ELMO3: variants seen among roughly 807,000 people sequenced by gnomAD.
The protein encoded by ELMO3 is engulfment and cell motility protein 3.
In ELMO3, 81 loss-of-function variants were observed where a neutral mutation model predicts 89.0. That is an observed-to-expected ratio of 0.91 (90% CI 0.76 to 1.09). ELMO3 has a LOEUF of 1.09. ELMO3 is among the 50% of genes least tolerant of loss of function. ELMO3 has a pLI of 0.00. For synonymous variants in ELMO3, 406 were observed against 400.6 expected (o/e 1.01, Z -0.16); for missense variants, 959 against 972.8 (o/e 0.99, Z 0.19).
chr16:67,199,476 G>GGGCCCCCCCCCCCC, intron 1 of ELMO3, 72 bp downstream of exon 1: 11 of 1,503,544 alleles, frequency 7.3e-6, no homozygotes, highest in African/African-American at 1.4e-5. Flanking sequence ...CCTCGGGGCA[G>GGGCCCCCCCCCCCC]CCCGCCCCAC....
chr16:67,203,110 T>G lies in ELMO3; in HGVS notation c.1676-9T>G. ...CAGCACTCTGGCCCTCTTCCCTTTC[T>G]CCACGCAGATAAGCTGTGGTTCTGC... On this transcript the variant is annotated splice_polypyrimidine_tract_variant and intron_variant, in intron 16 of 19. Coordinates refer to ENST00000393997, the MANE Select transcript of ELMO3 (RefSeq NM_024712.5). This position sits in a 1 kb window ranked among gnomAD's most constrained non-coding sequence, Gnocchi z 4.6. The G allele has an allele frequency of 1.9e-6, 3 of 1,604,184 alleles. No individual in the cohort carries two copies. The highest frequency in any genetic ancestry group is 2.6e-6 in the Non-Finnish European group (3 of 1,176,016).
At position 67,199,857 on chromosome 16, in the gene ELMO3, T is replaced by A; in HGVS notation, c.193-94T>A. 3.7e-6 allele frequency: 6 copies of A among 1,606,054 alleles called. No homozygotes were observed. The South Asian group carries it at 4.4e-5, about 12-fold the overall frequency. ...TTCATCCCACTACCGGAGCGCGATC[T>A]GTTATTCACCCCCAGCCGCCCTCAC... On this transcript the variant is annotated intron_variant, in intron 3 of 19. Transcript: ENST00000393997.
chr16:67,199,477 C>T (rs1352985172), intron 1 of ELMO3, 73 bp downstream of exon 1: 2 of 757,410 alleles, frequency 2.6e-6, no homozygotes, highest in Admixed American at 4.0e-5. Context: ...CTCGGGGCAG[C>T]CCGCCCCACC....
In ELMO3 at chr16:67,199,351, A is replaced by G. The variant is rs762792916; in HGVS notation, c.25A>G (p.Lys9Glu). 3.7e-6 allele frequency: 6 copies of G among 1,610,788 alleles called. No individual in the cohort carries two copies. Among genetic ancestry groups the G allele is most frequent in the Non-Finnish European group, 5.1e-6 (6 of 1,179,218 alleles). MAPPRNVVKIAIKMRDAIP... is the reference protein window; with the variant it reads MAPPRNVVEIAIKMRDAIP... ...CATGGCGCCTCCGCGGAACGTGGTG[A>G]AGATTGCCATCAAGATGCGTGACGC... The change falls in exon 1 of 20, where the codon AAG (lysine) becomes GAG (glutamate). Residue 9 changes from lysine to glutamate, a missense_variant. Lys to Glu is a moderately conservative substitution (Grantham distance 56). Coordinates refer to ENST00000393997, the MANE Select transcript of ELMO3 (RefSeq NM_024712.5).
intron 3 of ELMO3, 63 bp downstream of exon 3, chr16:67,199,819 A>G (rs1036488777): frequency 5.2e-5 from 84 of 1,602,394 alleles, no homozygotes; most frequent in Admixed American, 8.5e-5. Flanking sequence ...CCTGGCCCCG[A>G]TAACTCTGGC....
At chr16:67,202,847 G>T (rs1265022672) in intron 15 of ELMO3, 45 bp from the exon 16 acceptor site, 1 of 1,612,358 alleles carries the variant, frequency 6.2e-7, no homozygotes, top group East Asian at 2.2e-5. Flanking sequence ...GTGCCCCCTG[G>T]GCTACTCCCC....
At chr16:67,202,313 G>A in intron 13 of ELMO3, 29 bp downstream of exon 13, 1 of 1,613,300 alleles carries the variant, frequency 6.2e-7, no homozygotes, top group South Asian at 1.1e-5. Flanking sequence ...GCACAGCATG[G>A]CCAAGAGCAG....
At position 67,200,779 on chromosome 16, in the gene ELMO3, C is replaced by A; in HGVS notation, c.636C>A (p.Pro212=). ...GCCAGCTGGTCAAGAGCGAGGTGCC[C>A]CTGGATAGGCTGCTGGTGCACCTAC... is the stretch of plus-strand genomic sequence containing the variant. ...ALGQLVKSEV[P]LDRLLVHLQV... Residue 212 remains proline (P), a synonymous_variant, in exon 7 of 20, where the codon CCC becomes CCA. Coordinates refer to ENST00000393997, the MANE Select transcript of ELMO3 (RefSeq NM_024712.5). 1 of 1,613,352 alleles carries A rather than the reference C, an allele frequency of 6.2e-7. No homozygotes were observed. Among genetic ancestry groups the A allele is most frequent in the Non-Finnish European group, 8.5e-7 (1 of 1,179,838 alleles).
In ELMO3 at chr16:67,201,480, C is replaced by T. The variant is rs201654935; in HGVS notation, c.796-40C>T. ...GGGGACCTCTCTGCCCCTCCCTCCC[C>T]GTGAGCCCTCGCTTACACCAGGGAC... On this transcript the variant is annotated intron_variant, in intron 9 of 19. Transcript: ENST00000393997. The T allele has an allele frequency of 3.2e-5, 51 of 1,613,998 alleles. No individual in the cohort carries two copies. In the Admixed American group the frequency reaches 4.3e-4, roughly 14 times the overall value.
intron 15 of ELMO3, 35 bp from the exon 16 acceptor site, chr16:67,202,857 C>T: frequency 1.2e-6 from 2 of 1,612,802 alleles, no homozygotes; most frequent in Non-Finnish European, 1.7e-6. Context: ...GGCTACTCCC[C>T]AGGTCAGATG....
chr16:67,201,109 G>C, intron 8 of ELMO3, 141 bp downstream of exon 8: 2 of 1,010,166 alleles, frequency 2.0e-6, no homozygotes, highest in Non-Finnish European at 2.8e-6. Flanking sequence ...GCAGTGGTGC[G>C]ATCTTGGCTC....
In ELMO3 at chr16:67,203,215, C is replaced by T; in HGVS notation, c.1772C>T (p.Pro591Leu). Reference protein sequence around the residue: ...GASPPTLESLPEQLPVADMRA... With the variant: ...GASPPTLESLLEQLPVADMRA... The stretch of plus-strand genomic sequence containing the variant: ...AGCCCGCCTACCCTGGAGAGTCTGC[C>T]CGAGCAACGTAAGGCGGGCAGGGGC... Residue 591 changes from proline (P) to leucine (L), a missense_variant, in exon 17 of 20, where the codon CCC (proline) becomes CTC (leucine). Physicochemically the swap from Pro to Leu is moderately conservative, Grantham distance 98. Transcript: ENST00000393997. This position sits in a 1 kb window ranked among gnomAD's most constrained non-coding sequence, Gnocchi z 4.6. 1.2e-6 allele frequency: 2 copies of T among 1,608,650 alleles called. No homozygotes were observed. Among genetic ancestry groups the T allele is most frequent in the South Asian group, 2.2e-5 (2 of 90,800 alleles).
Position 67,203,440 on chromosome 16 carries a change from A to G in ELMO3, c.1863+31A>G, listed in dbSNP as rs13336793. ...TACAGCGGGCCAGGGGCTCCTTCCC[A>G]CCCGCCCCCGCCTACCCTGTCCCCT... On this transcript the variant is annotated intron_variant, in intron 18 of 19. Coordinates refer to ENST00000393997, the MANE Select transcript of ELMO3 (RefSeq NM_024712.5). This position sits in a 1 kb window ranked among gnomAD's most constrained non-coding sequence, Gnocchi z 4.6. The G allele has an allele frequency of 0.12, 162,354 of 1,384,112 alleles. 18,579 individuals are homozygous for G. Among genetic ancestry groups the G allele is most frequent in the African/African-American group, 0.61 (44,749 of 73,288 alleles). The allele number at this position is 1,384,112 out of a possible 1,614,324, so 85.7% of individuals were successfully genotyped here.
chr16:67,200,575 G>A lies in ELMO3; in HGVS notation c.513+25G>A, dbSNP rs753564029. On this transcript the variant is annotated intron_variant, in intron 6 of 19. Transcript: ENST00000393997. Reference sequence around the variant, plus strand: ...GGTGGGTGGGCTTTCCTAGGGCAGCGGGTGGGGGCAGTGGAGCAGTGGGGC... The same window carrying A: ...GGTGGGTGGGCTTTCCTAGGGCAGCAGGTGGGGGCAGTGGAGCAGTGGGGC... The A allele has an allele frequency of 4.3e-6, 7 of 1,613,262 alleles. No homozygotes were observed. In the East Asian group the frequency reaches 6.7e-5, roughly 15 times the overall value.
chr16:67,202,182 T>C lies in ELMO3; in HGVS notation c.1159T>C (p.Leu387=). The change falls in exon 13 of 20, where the codon TTG becomes CTG. Residue 387 remains leucine, a synonymous_variant. Transcript: ENST00000393997. ...NAPSAYSRFV[L]ENSSREDKHE... ...CCATTCTCTGCGCCCCCAGTTTGTGTTGGAGAACAGCAGCCGCGAGGACAA... is the reference window on the plus strand; with the variant it reads ...CCATTCTCTGCGCCCCCAGTTTGTGCTGGAGAACAGCAGCCGCGAGGACAA... 1 of 1,600,980 alleles carries C rather than the reference T, an allele frequency of 6.2e-7. No homozygotes were observed. Among genetic ancestry groups the C allele is most frequent in the Non-Finnish European group, 8.5e-7 (1 of 1,171,694 alleles).
chr16:67,201,047 C>A, intron 8 of ELMO3, 79 bp downstream of exon 8: 1 of 1,454,482 alleles, frequency 6.9e-7, no homozygotes. Flanking sequence ...CTCTAAGCCC[C>A]CCTTTTTTTT....
In ELMO3 at chr16:67,200,213, T is replaced by C; in HGVS notation, c.265T>C (p.Leu89=). 6.2e-7 allele frequency: 1 copy of C among 1,613,194 alleles called. No homozygotes were observed. Among genetic ancestry groups the C allele is most frequent in the South Asian group, 1.1e-5 (1 of 91,064 alleles). ...TAPDLEAEQL[L]GGLQSNSPEG... is the part of the protein sequence containing the mutation. The stretch of plus-strand genomic sequence containing the variant: ...CCAGGACCTTGAGGCTGAGCAGCTC[T>C]TGGGTGGGCTGCAGAGTAACAGTCC... Residue 89 remains leucine, a synonymous_variant, in exon 5 of 20, where the codon TTG becomes CTG. Transcript: ENST00000393997.
intron 1 of ELMO3, 67 bp from the exon 2 acceptor site, chr16:67,199,486 C>T (rs2033045013): frequency 6.5e-7 from 1 of 1,545,514 alleles, no homozygotes; most frequent in Non-Finnish European, 8.7e-7. Flanking sequence ...GCCCGCCCCA[C>T]CCCTCCCCCC....
intron 4 of ELMO3, 48 bp from the exon 5 acceptor site, chr16:67,200,144 T>C (rs749279793): frequency 6.4e-7 from 1 of 1,559,384 alleles, no homozygotes; most frequent in Non-Finnish European, 8.7e-7. Context: ...GGTCCCACCC[T>C]TACCATGCCC....
Sources: gnomAD v4.1 joint callset for allele counts on GRCh38, gnomAD v4.1.1 for gene constraint, Gnocchi (gnomAD v3.1) non-coding constraint, MANE v1.5 for transcripts, NCBI Gene and HGNC (gene_info 2026-07-23, HGNC 2026-07-21) for gene names.